The following MTSS1 variants were observed in gnomAD, a reference collection of about 807,000 sequenced individuals.
MTSS1 encodes protein MTSS 1.
In MTSS1, 18 loss-of-function variants were observed where a neutral mutation model predicts 79.0. The observed-to-expected ratio is 0.23, with a 90% CI of 0.16 to 0.34. The LOEUF (loss-of-function observed/expected upper bound fraction) is 0.34, where lower values mean the gene tolerates loss of function less well. Ranked by LOEUF, MTSS1 falls within the 10% of genes least tolerant of loss-of-function variation. The pLI is 1.00. For missense variants in MTSS1, 815 were observed against 986.2 expected, an observed-to-expected ratio of 0.83 and a Z score of 2.33; for synonymous variants, 341 against 368.6, an observed-to-expected ratio of 0.93 and a Z score of 0.86.
intron 3 of MTSS1, among the ~76,000 whole-genome samples, chr8:124,696,027 A>G (rs62530737): frequency 0.36 from 54,624 of 151,686 alleles, 10,580 homozygotes; most frequent in Non-Finnish European, 0.41. Flanking sequence ...TTGCTCTGTC[A>G]CCCAGGCTGG....
chr8:124,657,475 CA>C (rs58258455), intron 3 of MTSS1, among the ~76,000 whole-genome samples: 15,431 of 106,880 alleles, frequency 0.14, 858 homozygotes, highest in African/African-American at 0.21. Flanking sequence ...GCAGAGTCAG[CA>C]AAAAAAAAAA....
At chr8:124,722,526 C>G (rs1339751889) in intron 1 of MTSS1, among the ~76,000 whole-genome samples, 2 of 152,214 alleles carry the variant, frequency 1.3e-5, no homozygotes, top group African/African-American at 4.8e-5. Flanking sequence ...CAGTCTACTG[C>G]TAATTCAAGG....
intron 3 of MTSS1, among the ~76,000 whole-genome samples, chr8:124,645,284 T>C (rs758470739): frequency 3.9e-5 from 6 of 152,074 alleles, no homozygotes; most frequent in Admixed American, 1.3e-4. Context: ...TAGTAGCTAC[T>C]CGGGAGGCTG....
intron 3 of MTSS1, among the ~76,000 whole-genome samples, chr8:124,652,367 T>C (rs920992967): frequency 6.6e-6 from 1 of 150,556 alleles, no homozygotes; most frequent in Non-Finnish European, 1.5e-5. Context: ...GGTTTCACCA[T>C]GTTGGCCAGG....
chr8:124,652,743 C>T (rs1245248178), intron 3 of MTSS1, among the ~76,000 whole-genome samples: 1 of 143,950 alleles, frequency 6.9e-6, no homozygotes, highest in Non-Finnish European at 1.5e-5. Context: ...TTCAGTGAGC[C>T]GAGATCGTGC....
At chr8:124,716,946 T>C (rs144372604) in intron 1 of MTSS1, among the ~76,000 whole-genome samples, 1 of 151,388 alleles carries the variant, frequency 6.6e-6, no homozygotes, top group South Asian at 2.1e-4. Context: ...AAATCACTGA[T>C]GTAAATCAAT....
In MTSS1 at chr8:124,556,360, G is replaced by C; in HGVS notation, c.1276C>G (p.Leu426Val). ...GPYDQPLVNTLQRRKEKREPD... is the reference protein window; with the variant it reads ...GPYDQPLVNTVQRRKEKREPD... Reference sequence around the variant, plus strand: ...TCTCGCTTCTCTTTGCGGCGCTGCAGGGTGTTCACCAGAGGCTGGTCATAG... The same window carrying C: ...TCTCGCTTCTCTTTGCGGCGCTGCACGGTGTTCACCAGAGGCTGGTCATAG... The change falls in exon 12 of 14, where the codon CTG becomes GTG. Residue 426 changes from leucine to valine, a missense_variant. Transcript: ENST00000518547. 1 of 1,614,182 alleles carries C rather than the reference G, an allele frequency of 6.2e-7. No homozygotes were observed. Among genetic ancestry groups the C allele is most frequent in the East Asian group, 2.2e-5 (1 of 44,882 alleles).
chr8:124,643,778 T>C (rs1337160743), intron 3 of MTSS1, among the ~76,000 whole-genome samples: 1 of 148,366 alleles, frequency 6.7e-6, no homozygotes, highest in Non-Finnish European at 1.5e-5. Flanking sequence ...ATATTTAAAA[T>C]AGTATGTACC....
intron 3 of MTSS1, among the ~76,000 whole-genome samples, chr8:124,636,294 T>TA (rs1486479233): frequency 6.6e-6 from 1 of 152,170 alleles, no homozygotes; most frequent in South Asian, 2.1e-4. Context: ...CATGCTCAGC[T>TA]AATTTTTTGT....
chr8:124,623,772 C>T (rs948021810), intron 3 of MTSS1, among the ~76,000 whole-genome samples: 11 of 152,208 alleles, frequency 7.2e-5, no homozygotes, highest in East Asian at 1.9e-4. Context: ...CCTGGGTACC[C>T]GGGACTACAG....
At chr8:124,699,944 C>G (rs1298234087) in intron 2 of MTSS1, among the ~76,000 whole-genome samples, 4 of 151,998 alleles carry the variant, frequency 2.6e-5, no homozygotes, top group Non-Finnish European at 5.9e-5. Flanking sequence ...ATCAAGAGTT[C>G]GAGACCAACC....
chr8:124,614,991 C>T (rs1836573214), intron 3 of MTSS1, among the ~76,000 whole-genome samples: 1 of 152,168 alleles, frequency 6.6e-6, no homozygotes. Flanking sequence ...CTTGTCTAAG[C>T]TGAGATGGAA....
intron 3 of MTSS1, among the ~76,000 whole-genome samples, chr8:124,608,259 T>C (rs1034036441): frequency 6.6e-5 from 10 of 152,164 alleles, no homozygotes; most frequent in Non-Finnish European, 1.3e-4. Flanking sequence ...TGTGTTCTTC[T>C]AACAAAATGC....
At chr8:124,576,979 C>A (rs1305244608) in intron 6 of MTSS1, among the ~76,000 whole-genome samples, 1 of 152,218 alleles carries the variant, frequency 6.6e-6, no homozygotes, top group Non-Finnish European at 1.5e-5. Flanking sequence ...ACAGGGAAGT[C>A]AGGTGCACTG....
chr8:124,607,634 G>A lies in MTSS1; in HGVS notation c.209-16399C>T, dbSNP rs11780712. Among the ~76,000 whole-genome samples the A allele has an allele frequency of 3.5e-4, 53 of 152,154 alleles. No homozygotes were observed. In the East Asian group the frequency reaches 8.7e-3, roughly 25 times the overall value. ...GAGTCCCTACAAGCTAGACAAGCCC[G>A]AGCCTCCCAGCCTCCATCTATTCAA... On this transcript the variant is annotated intron_variant, in intron 3 of 13. Coordinates refer to ENST00000518547, the MANE Select transcript of MTSS1 (RefSeq NM_014751.6).
intron 3 of MTSS1, among the ~76,000 whole-genome samples, chr8:124,663,174 G>C (rs1030803645): frequency 9.2e-5 from 14 of 152,172 alleles, no homozygotes; most frequent in African/African-American, 3.4e-4. Flanking sequence ...GGAAAAGAGG[G>C]AGTGCCAGCA....
intron 3 of MTSS1, among the ~76,000 whole-genome samples, chr8:124,660,202 A>G (rs1436827158): frequency 6.6e-6 from 1 of 152,064 alleles, no homozygotes; most frequent in African/African-American, 2.4e-5. Context: ...TCTGAGCTCA[A>G]TTGTAGGAGA....
In MTSS1 at chr8:124,726,921, A is replaced by G. The variant is rs147595284; in HGVS notation, c.72+963T>C. ...AAAATAATTTCCCCCACCGCTCCCA[A>G]TTCCCACCTCCAGCCAGCTCGCGCG... On this transcript the variant is annotated intron_variant, in intron 1 of 13. Transcript: ENST00000518547. Among the ~76,000 whole-genome samples, 386 of 152,210 alleles carry G rather than the reference A, an allele frequency of 2.5e-3. 1 individual carries two copies. Among genetic ancestry groups the G allele is most frequent in the Admixed American group, 5.2e-3 (79 of 15,294 alleles).
At chr8:124,598,598 A>G (rs1342073506) in intron 3 of MTSS1, among the ~76,000 whole-genome samples, 1 of 152,218 alleles carries the variant, frequency 6.6e-6, no homozygotes, top group East Asian at 1.9e-4. Flanking sequence ...TATTAAGTTC[A>G]CTGCCTACCC....
Sources: gnomAD v4.1 joint callset for allele counts (sites outside exome capture counted in the v4.1 genomes callset) on GRCh38, gnomAD v4.1.1 for gene constraint, MANE v1.5 for transcripts, NCBI Gene and HGNC (gene_info 2026-07-23, HGNC 2026-07-21) for gene names.